The following SLC7A2 variants were observed in gnomAD, a reference collection of about 807,000 sequenced individuals.
SLC7A2 encodes the protein cationic amino acid transporter 2.
Under a neutral mutation model 58.9 loss-of-function variants are expected in SLC7A2, and 48 were observed. The ratio of observed to expected loss-of-function variants is 0.82; its 90% CI spans 0.65 to 1.04. SLC7A2 has a LOEUF of 1.04. Among genes scored for constraint, SLC7A2 ranks in the 50% least tolerant of loss-of-function variants. SLC7A2 has a pLI of 0.00. For synonymous variants in SLC7A2, 363 were observed against 314.5 expected (o/e 1.15, Z -1.63); for missense variants, 1,029 against 818.8 (o/e 1.26, Z -3.13).
rs1423572544 is a variant in SLC7A2, at chr8:17,502,305, TA to T, written c.-23+4del. The stretch of plus-strand genomic sequence containing the variant: ...AGGAAAGCAGTGAGCCCTTACAGGT[TA>T]GTGCTGATTTCAATCTTGGCTTGCA... On this transcript the variant is annotated splice_donor_region_variant and intron_variant, in intron 2 of 12. Coordinates refer to ENST00000494857, the MANE Select transcript of SLC7A2 (RefSeq NM_001370338.1). The T allele has an allele frequency of 2.6e-5, 4 of 152,172 alleles. No homozygotes were observed. The highest frequency in any genetic ancestry group is 1.9e-4 in the East Asian group (1 of 5,170). The allele number at this position is 152,172 out of a possible 1,614,324, so 9.4% of individuals were successfully genotyped here.
At chr8:17,501,353 C>A (rs139283122) in intron 1 of SLC7A2, among the ~76,000 whole-genome samples, 2,277 of 152,208 alleles carry the variant, frequency 0.015, 61 homozygotes, top group African/African-American at 0.052. Context: ...CTGAGAAAGG[C>A]CTCTGCTGCT....
Position 17,551,733 on chromosome 8 carries a change from G to A in SLC7A2, c.833-31G>A, listed in dbSNP as rs757855586. The A allele has an allele frequency of 3.4e-6, 5 of 1,459,682 alleles. No homozygotes were observed. In the South Asian group the frequency reaches 4.6e-5, roughly 13 times the overall value. The allele number at this position is 1,459,682 out of a possible 1,614,324, so 90.4% of individuals were successfully genotyped here. A position where few individuals can be genotyped will look rare whatever the true frequency, so the allele number is the denominator to read the frequency against. On this transcript the variant is annotated intron_variant, in intron 6 of 12. Transcript: ENST00000494857. ...TCTTTACCTGTTGATGTTTTATTAA[G>A]CATACACATCTTTTGTTTATATTTC...
chr8:17,517,302 G>C (rs1452237419), intron 2 of SLC7A2, among the ~76,000 whole-genome samples: 1 of 152,174 alleles, frequency 6.6e-6, no homozygotes, highest in African/African-American at 2.4e-5. Flanking sequence ...AACCACAAAA[G>C]ATGTGATTTG....
At chr8:17,563,492 T>A in intron 11 of SLC7A2, 111 bp from the exon 12 acceptor site, 1 of 683,228 alleles carries the variant, frequency 1.5e-6, no homozygotes, top group Non-Finnish European at 2.6e-6. Flanking sequence ...TTAACTGTGA[T>A]TGACGTGGTG....
chr8:17,532,833 TAC>T (rs2150715885), intron 2 of SLC7A2, among the ~76,000 whole-genome samples: 1 of 152,326 alleles, frequency 6.6e-6, no homozygotes, highest in African/African-American at 2.4e-5. Context: ...TATATCCATA[TAC>T]ACATATATCG....
At chr8:17,541,274 C>A (rs929016549) in intron 2 of SLC7A2, among the ~76,000 whole-genome samples, 1 of 152,094 alleles carries the variant, frequency 6.6e-6, no homozygotes, top group African/African-American at 2.4e-5. Flanking sequence ...GAACACTTAT[C>A]TTCTAGATAT....
Position 17,554,480 on chromosome 8 carries a change from A to T in SLC7A2, c.1056-80A>T, listed in dbSNP as rs111318852. ...AATTACAACTGTCATGCTGAATATT[A>T]TACAATTATTTTATTTCCGTTCGGG... is the stretch of plus-strand genomic sequence containing the variant. On this transcript the variant is annotated intron_variant, in intron 7 of 12. Transcript: ENST00000494857. The T allele has an allele frequency of 1.6e-5, 18 of 1,156,292 alleles. 2 individuals carry two copies. Among genetic ancestry groups the T allele is most frequent in the African/African-American group, 6.2e-5 (4 of 64,446 alleles). The allele number at this position is 1,156,292 out of a possible 1,614,324, so 71.6% of individuals were successfully genotyped here. A position where few individuals can be genotyped will look rare whatever the true frequency, so the allele number is the denominator to read the frequency against.
rs748093745 is a variant in SLC7A2, at chr8:17,550,468, G to A, written c.832+34G>A. On this transcript the variant is annotated intron_variant, in intron 6 of 12. Coordinates refer to ENST00000494857, the MANE Select transcript of SLC7A2 (RefSeq NM_001370338.1). Reference sequence around the variant, plus strand: ...AGTGTCTTGGCTCAGTGTAGAAGGAGTGTTCCTTGTTGTGCACGAGTACCC... The same window carrying A: ...AGTGTCTTGGCTCAGTGTAGAAGGAATGTTCCTTGTTGTGCACGAGTACCC... The A allele has an allele frequency of 2.5e-6, 4 of 1,599,404 alleles. No individual in the cohort carries two copies. The South Asian group carries it at 3.4e-5, about 13-fold the overall frequency.
intron 2 of SLC7A2, 85 bp from the exon 3 acceptor site, chr8:17,543,233 T>A: frequency 2.5e-6 from 3 of 1,177,160 alleles, no homozygotes; most frequent in Non-Finnish European, 3.6e-6. Flanking sequence ...CACACACACA[T>A]ACTCTAATTG....
At chr8:17,537,805 C>G (rs959178226) in intron 2 of SLC7A2, among the ~76,000 whole-genome samples, 1 of 152,184 alleles carries the variant, frequency 6.6e-6, no homozygotes, top group Non-Finnish European at 1.5e-5. Context: ...ACACCCAGCT[C>G]TGGTTGGGAA....
chr8:17,564,877 T>G (rs1467634263), intron 12 of SLC7A2, 73 bp from the exon 13 acceptor site: 2 of 1,233,112 alleles, frequency 1.6e-6, no homozygotes, highest in Non-Finnish European at 2.2e-6. Flanking sequence ...TTCTACATTT[T>G]CCACCTCAAT....
At chr8:17,531,070 A>G (rs2150711665) in intron 2 of SLC7A2, among the ~76,000 whole-genome samples, 1 of 152,322 alleles carries the variant, frequency 6.6e-6, no homozygotes, top group South Asian at 2.1e-4. Context: ...TCTGTCATTG[A>G]AAGTCAGGGC....
chr8:17,534,501 C>T (rs1037003333), intron 2 of SLC7A2, among the ~76,000 whole-genome samples: 2 of 152,056 alleles, frequency 1.3e-5, no homozygotes, highest in African/African-American at 4.8e-5. Context: ...ATCGAATCTT[C>T]AGTAAGCTAG....
At chr8:17,548,068 G>A (rs1268689148) in intron 4 of SLC7A2, among the ~76,000 whole-genome samples, 1 of 152,176 alleles carries the variant, frequency 6.6e-6, no homozygotes, top group Non-Finnish European at 1.5e-5. Context: ...GCCGGGCATT[G>A]TGGCTTAAGT....
intron 2 of SLC7A2, among the ~76,000 whole-genome samples, chr8:17,511,522 T>C (rs1230567594): frequency 6.6e-6 from 1 of 152,204 alleles, no homozygotes; most frequent in Non-Finnish European, 1.5e-5. Context: ...TTACTGGTTT[T>C]TGACATCCTG....
upstream of SLC7A2, among the ~76,000 whole-genome samples, chr8:17,496,873 G>A (rs1305043734): frequency 6.6e-6 from 1 of 151,902 alleles, no homozygotes; most frequent in Admixed American, 6.6e-5. Flanking sequence ...CCTAGCCCGG[G>A]GCTAGCGCCC....
chr8:17,546,480 A>G (rs1196338179), intron 4 of SLC7A2, among the ~76,000 whole-genome samples: 1 of 152,202 alleles, frequency 6.6e-6, no homozygotes, highest in East Asian at 1.9e-4. Context: ...CTTAGATGAG[A>G]TATTCATTGG....
At chr8:17,541,403 A>G (rs1201643131) in intron 2 of SLC7A2, among the ~76,000 whole-genome samples, 1 of 152,224 alleles carries the variant, frequency 6.6e-6, no homozygotes, top group South Asian at 2.1e-4. Flanking sequence ...GGAGATGTCA[A>G]CGTCTTTGCA....
At chr8:17,524,531 A>C (rs1486505294) in intron 2 of SLC7A2, among the ~76,000 whole-genome samples, 1 of 152,010 alleles carries the variant, frequency 6.6e-6, no homozygotes, top group African/African-American at 2.4e-5. Flanking sequence ...ATTGGATACT[A>C]TCATTCTAAG....
Sources: gnomAD v4.1 joint callset for allele counts (sites outside exome capture counted in the v4.1 genomes callset) on GRCh38, gnomAD v4.1.1 for gene constraint, MANE v1.5 for transcripts, NCBI Gene and HGNC (gene_info 2026-07-23, HGNC 2026-07-21) for gene names.